BIVM: variants seen among roughly 807,000 people sequenced by gnomAD.
BIVM encodes the protein basic, immunoglobulin-like variable motif containing.
BIVM carries 31 observed loss-of-function variants against 61.4 expected under a neutral mutation model. The observed-to-expected ratio is 0.51, with a 90% CI of 0.38 to 0.68. The LOEUF (loss-of-function observed/expected upper bound fraction) is 0.68, where lower values mean the gene tolerates loss of function less well. Among genes scored for constraint, BIVM ranks in the 30% least tolerant of loss-of-function variants. The probability of loss-of-function intolerance (pLI) is 0.00; values close to 1 mark genes in which losing one functional copy is unlikely to be tolerated. For missense variants in BIVM, 526 were observed against 596.0 expected (o/e 0.88, Z 1.22); for synonymous variants, 189 against 210.7 (o/e 0.90, Z 0.89).
chr13:102,806,233 C>T (rs1196262152), intron 2 of BIVM, among the ~76,000 whole-genome samples: 1 of 152,118 alleles, frequency 6.6e-6, no homozygotes, highest in East Asian at 1.9e-4. Flanking sequence ...TACTGAGCAT[C>T]TTTTCATGTG....
At chr13:102,811,723 A>G (rs763363584) in intron 3 of BIVM, among the ~76,000 whole-genome samples, 1 of 151,866 alleles carries the variant, frequency 6.6e-6, no homozygotes, top group Non-Finnish European at 1.5e-5. Context: ...GAGTTTCTCC[A>G]TGTTGGTCAG....
intron 9 of BIVM, 104 bp downstream of exon 9, chr13:102,834,656 T>A (rs1455718753): frequency 9.2e-7 from 1 of 1,083,246 alleles, no homozygotes; most frequent in East Asian, 2.9e-5. Flanking sequence ...TGAATGCACC[T>A]GTATAATCAC....
intron 8 of BIVM, among the ~76,000 whole-genome samples, 176 bp downstream of exon 8, chr13:102,831,873 CAAAAAAAAA>C (rs67223159): frequency 9.5e-6 from 1 of 105,582 alleles, no homozygotes; most frequent in Non-Finnish European, 1.9e-5. Flanking sequence ...ACTAAAAATA[CAAAAAAAAA>C]AAAAAAAAAA....
Position 102,838,755 on chromosome 13 carries a change from T to C in BIVM, c.1218+16T>C, listed in dbSNP as rs781106629. 1.9e-6 allele frequency: 3 copies of C among 1,605,616 alleles called. No homozygotes were observed. The highest frequency in any genetic ancestry group is 3.4e-5 in the Admixed American group (2 of 58,576). ...AACAAAGAAGGTAAGAAGAACACCA[T>C]TGTGTTTGAAGGCATTTCCCAGCTG... is the stretch of plus-strand genomic sequence containing the variant. On this transcript the variant is annotated intron_variant, in intron 10 of 10. Transcript: ENST00000257336.
intron 7 of BIVM, among the ~76,000 whole-genome samples, chr13:102,829,803 C>T (rs1880938970): frequency 6.6e-6 from 1 of 152,058 alleles, no homozygotes; most frequent in Non-Finnish European, 1.5e-5. Flanking sequence ...CATGCCACTG[C>T]ACTCCAGCCT....
chr13:102,806,566 A>G (rs1274437138), intron 2 of BIVM, among the ~76,000 whole-genome samples: 1 of 152,080 alleles, frequency 6.6e-6, no homozygotes, highest in Non-Finnish European at 1.5e-5. Flanking sequence ...CAATTTCTGT[A>G]CTGATTTTGG....
chr13:102,816,310 A>C, intron 3 of BIVM, 118 bp from the exon 4 acceptor site: 1 of 1,003,922 alleles, frequency 1.0e-6, no homozygotes, highest in Non-Finnish European at 1.4e-6. Flanking sequence ...TTTTCTTTGC[A>C]CTTTCTCAGC....
chr13:102,832,568 C>T (rs1408047), intron 8 of BIVM, among the ~76,000 whole-genome samples: 92,315 of 152,056 alleles, frequency 0.61, 28,828 homozygotes, highest in Middle Eastern at 0.7. Context: ...GTCACAGTGC[C>T]TCATCCAACG....
At chr13:102,839,377 G>T (rs1043154694) in intron 10 of BIVM, among the ~76,000 whole-genome samples, 195 bp from the exon 11 acceptor site, 1 of 152,106 alleles carries the variant, frequency 6.6e-6, no homozygotes, top group African/African-American at 2.4e-5. Context: ...TTTTGGCTCC[G>T]GTGGGCATTG....
At chr13:102,822,014 C>T (rs766529406) in intron 6 of BIVM, 51 bp from the exon 7 acceptor site, 3 of 1,597,398 alleles carry the variant, frequency 1.9e-6, no homozygotes, top group Non-Finnish European at 2.6e-6. Context: ...GGAATAATGC[C>T]ATCTTTGTTG....
chr13:102,807,164 T>C lies in BIVM; in HGVS notation c.-104T>C. 7.8e-7 allele frequency: 1 copy of C among 1,277,750 alleles called. No individual in the cohort carries two copies. Among genetic ancestry groups the C allele is most frequent in the African/African-American group, 1.5e-5 (1 of 66,944 alleles). 79.2% of individuals were successfully genotyped at this position (1,277,750 alleles called of 1,614,324 possible). On this transcript the variant is annotated 5_prime_UTR_variant, in exon 3 of 11. Coordinates refer to ENST00000257336, the MANE Select transcript of BIVM (RefSeq NM_017693.4). The surrounding 1 kb of genome is among the most constrained non-coding windows in gnomAD (Gnocchi z 4.0). ...CTCTTAGGAGCTCATTTTGCAGCTC[T>C]CAAGCTTTTATAGCATGCTGTAAAC...
Position 102,837,524 on chromosome 13 carries a change from T to A in BIVM, c.1122-1119T>A, listed in dbSNP as rs190920605. ...TTCCTTAAAGAACTAAAAGTAGATCTACCATTTGATCCAGCAATCCCACTA... is the reference window on the plus strand; with the variant it reads ...TTCCTTAAAGAACTAAAAGTAGATCAACCATTTGATCCAGCAATCCCACTA... On this transcript the variant is annotated intron_variant, in intron 9 of 10. Coordinates refer to ENST00000257336, the MANE Select transcript of BIVM (RefSeq NM_017693.4). 3.3e-3 allele frequency among the ~76,000 whole-genome samples: 507 copies of A among 152,300 alleles called. 2 individuals are homozygous for A. Among genetic ancestry groups the A allele is most frequent in the Admixed American group, 3.7e-3 (57 of 15,294 alleles).
chr13:102,826,200 C>T (rs999594744), intron 7 of BIVM, among the ~76,000 whole-genome samples: 2 of 152,100 alleles, frequency 1.3e-5, no homozygotes, highest in South Asian at 2.1e-4. Context: ...TTCTCTTTCC[C>T]TTTCTGTAGC....
At chr13:102,832,650 C>G (rs1285680194) in intron 8 of BIVM, among the ~76,000 whole-genome samples, 1 of 152,188 alleles carries the variant, frequency 6.6e-6, no homozygotes, top group African/African-American at 2.4e-5. Context: ...TAAAAAGCAT[C>G]TTCTTTTCTT....
In BIVM at chr13:102,816,448, T is replaced by C. The variant is rs1432391693; in HGVS notation, c.499T>C (p.Ser167Pro). The C allele has an allele frequency of 6.3e-7, 1 of 1,582,886 alleles. No homozygotes were observed. The highest frequency in any genetic ancestry group is 8.6e-7 in the Non-Finnish European group (1 of 1,168,846). Reference sequence around the variant, plus strand: ...TCTAGGCAATGCAAAGAAACAAGTTTCCAAGAGAAAAACTTCAGATAAAAA... The same window carrying C: ...TCTAGGCAATGCAAAGAAACAAGTTCCCAAGAGAAAAACTTCAGATAAAAA... ...HKSGNAKKQV[S>P]KRKTSDKKGR... The change falls in exon 4 of 11, where the codon TCC becomes CCC. Residue 167 changes from serine to proline, a missense_variant. By Grantham distance (74) the Ser-to-Pro change is moderately conservative (BLOSUM62 -1). Coordinates refer to ENST00000257336, the MANE Select transcript of BIVM (RefSeq NM_017693.4).
chr13:102,827,138 C>G (rs1880726866), intron 7 of BIVM, among the ~76,000 whole-genome samples: 2 of 151,988 alleles, frequency 1.3e-5, no homozygotes, highest in Non-Finnish European at 1.5e-5. Flanking sequence ...TTTTGAATAT[C>G]TGTACTTTAT....
At chr13:102,824,609 G>T (rs939818511) in intron 7 of BIVM, among the ~76,000 whole-genome samples, 1 of 152,208 alleles carries the variant, frequency 6.6e-6, no homozygotes, top group African/African-American at 2.4e-5. Context: ...TGATGCAGCT[G>T]CTTGGATCTT....
Position 102,839,606 on chromosome 13 carries a change from A to G in BIVM, c.1253A>G (p.Gln418Arg), listed in dbSNP as rs1313884930. The change falls in exon 11 of 11, where the codon CAG becomes CGG. Residue 418 changes from glutamine (Q) to arginine (R), a missense_variant. By Grantham distance (43) the Gln-to-Arg change is conservative (BLOSUM62 1). Around this residue, in one of 3 missense-constraint regions of BIVM, gnomAD observed 210 missense variants for 233.1 expected, o/e 0.90. Coordinates refer to ENST00000257336, the MANE Select transcript of BIVM (RefSeq NM_017693.4). ...AATTTGCATTGCATCATAGCATTCCAGAGACTTAACTGGCAAAGATTTGGC... is the reference window on the plus strand; with the variant it reads ...AATTTGCATTGCATCATAGCATTCCGGAGACTTAACTGGCAAAGATTTGGC... ...GGNLHCIIAF[Q>R]RLNWQRFGLW... 1 of 1,614,228 alleles carries G rather than the reference A, an allele frequency of 6.2e-7. No individual in the cohort carries two copies. Among genetic ancestry groups the G allele is most frequent in the Admixed American group, 1.7e-5 (1 of 60,028 alleles).
intron 1 of BIVM, among the ~76,000 whole-genome samples, chr13:102,803,553 G>C (rs1878876220): frequency 6.6e-6 from 1 of 151,972 alleles, no homozygotes; most frequent in South Asian, 2.1e-4. Context: ...TGGTCCCACA[G>C]GCAAAATTCC....
Sources: gnomAD v4.1 joint callset for allele counts (sites outside exome capture counted in the v4.1 genomes callset) on GRCh38, gnomAD v4.1.1 for gene constraint, gnomAD v4.1.1 regional missense constraint, Gnocchi (gnomAD v3.1) non-coding constraint, MANE v1.5 for transcripts, NCBI Gene and HGNC (gene_info 2026-07-23, HGNC 2026-07-21) for gene names.